Variants in PIDD1 observed in about 807,000 individuals in gnomAD.
PIDD1 encodes p53-induced death domain-containing protein 1.
Under a neutral mutation model 80.0 loss-of-function variants are expected in PIDD1, and 72 were observed. That is an observed-to-expected ratio of 0.90 (90% confidence interval 0.74 to 1.09). The LOEUF (loss-of-function observed/expected upper bound fraction) is 1.09, where lower values mean the gene tolerates loss of function less well. PIDD1 is among the 50% of genes least tolerant of loss of function. The pLI is 0.00. For missense variants in PIDD1, 1,329 were observed against 1,228.3 expected (o/e 1.08, Z -1.23); for synonymous variants, 655 against 543.5 (o/e 1.21, Z -2.85).
In PIDD1 at chr11:801,456, C is replaced by T. The variant is rs374218717; in HGVS notation, c.1471G>A (p.Val491Ile). Residue 491 changes from valine (V) to isoleucine (I), a missense_variant, in exon 8 of 16, where the codon GTC (valine) becomes ATC (isoleucine). Coordinates refer to ENST00000347755, the MANE Select transcript of PIDD1 (RefSeq NM_145886.4). ...TGTCCTGGCCATACCTGCATGGAGA[C>T]TCGACGAGGCTCCTCAGTGGCCCCA... ...PPGATEEPRRVSMQVVRMAGR... is the reference protein window; with the variant it reads ...PPGATEEPRRISMQVVRMAGR... 9.7e-6 allele frequency: 15 copies of T among 1,543,302 alleles called. No individual in the cohort carries two copies. The highest frequency in any genetic ancestry group is 1.2e-5 in the South Asian group (1 of 80,938).
chr11:809,494 C>T (rs948882764), upstream of PIDD1: 1 of 152,302 alleles, frequency 6.6e-6, no homozygotes, highest in African/African-American at 2.4e-5. Flanking sequence ...CTACCGCCAG[C>T]AGCTTCTGCC....
rs528497928 is a variant in PIDD1 at position 800,973 on chromosome 11, G to A, written c.1766+12C>T. The stretch of plus-strand genomic sequence containing the variant: ...TGGGGGAGGGGGGCTGAGAAAGCTG[G>A]GGGGCACTGACCAGGAGAAGTGTGT... On this transcript the variant is annotated intron_variant, in intron 10 of 15. Coordinates refer to ENST00000347755, the MANE Select transcript of PIDD1 (RefSeq NM_145886.4). 4 of 1,588,182 alleles carry A rather than the reference G, an allele frequency of 2.5e-6. No homozygotes were observed. The highest frequency in any genetic ancestry group is 1.7e-4 in the Middle Eastern group (1 of 6,026).
chr11:805,573 G>C (rs1177283482), upstream of PIDD1: 20 of 970,998 alleles, frequency 2.1e-5, no homozygotes, highest in Admixed American at 6.2e-5. Flanking sequence ...TGCGTTCCCA[G>C]GCCGGGGTGA....
rs1359472344 is a variant in PIDD1 at position 800,796 on chromosome 11, T to C, written c.1883A>G (p.Glu628Gly). The stretch of plus-strand genomic sequence containing the variant: ...GGGCAGGCACTGCAGCAGGACCTGC[T>C]CAGGGTCCCGGCGCCGCTGCAGAGC... Reference protein sequence around the residue: ...LIALQRRRDPEQVLLQCLPRN... With the variant: ...LIALQRRRDPGQVLLQCLPRN... Residue 628 changes from glutamate (E) to glycine (G), a missense_variant, in exon 11 of 16, where the codon GAG becomes GGG. Transcript: ENST00000347755. The C allele has an allele frequency of 6.4e-7, 1 of 1,555,742 alleles. No individual in the cohort carries two copies. The highest frequency in any genetic ancestry group is 2.4e-5 in the East Asian group (1 of 41,564).
In PIDD1 at chr11:804,452, C is replaced by G. The variant is rs1020358769; in HGVS notation, c.-64G>C. The G allele has an allele frequency of 1.3e-6, 2 of 1,509,528 alleles. No individual in the cohort carries two copies. The highest frequency in any genetic ancestry group is 1.8e-6 in the Non-Finnish European group (2 of 1,133,994). 93.5% of individuals were successfully genotyped at this position (1,509,528 alleles called of 1,614,324 possible). ...CACGCAGGCAGGCCTGTCCAGGCAG[C>G]GCCCGGGGAAGCTGCAGAGGCAGGA... On this transcript the variant is annotated 5_prime_UTR_variant, in exon 2 of 16. Coordinates refer to ENST00000347755, the MANE Select transcript of PIDD1 (RefSeq NM_145886.4).
chr11:802,247 G>A lies in PIDD1; in HGVS notation c.1124C>T (p.Ala375Val). 6.2e-7 allele frequency: 1 copy of A among 1,611,886 alleles called. No homozygotes were observed. Among genetic ancestry groups the A allele is most frequent in the Non-Finnish European group, 8.5e-7 (1 of 1,179,530 alleles). The change falls in exon 6 of 16, where the codon GCC (alanine) becomes GTC (valine). Residue 375 changes from alanine to valine, a missense_variant. By Grantham distance (64) the Ala-to-Val change is moderately conservative (BLOSUM62 0). Transcript: ENST00000347755. The stretch of plus-strand genomic sequence containing the variant: ...CAGCTCCAGCACATGGCTGAGCAGG[G>A]CGTCATGAGGACCCAGGGGGACGAG... ...PGLVPLGPHD[A>V]LLSHVLELQP...
rs930378064 is a variant in PIDD1, at chr11:804,528, A to T, written c.-75-65T>A. The T allele has an allele frequency of 5.0e-6, 7 of 1,412,512 alleles. No homozygotes were observed. In the South Asian group the frequency reaches 1.1e-4, roughly 22 times the overall value. 87.5% of individuals were successfully genotyped at this position (1,412,512 alleles called of 1,614,324 possible). ...GGCCCTTCTCTTTGGGGAAACAGGG[A>T]CTCTGGATGGAGTGGGGAGCTCTAG... On this transcript the variant is annotated intron_variant, in intron 1 of 15. Transcript: ENST00000347755.
At chr11:803,995 T>C in intron 2 of PIDD1, 99 bp downstream of exon 2, 2 of 1,360,732 alleles carry the variant, frequency 1.5e-6, no homozygotes, top group Non-Finnish European at 2.0e-6. Context: ...AGGGGCGGCC[T>C]GGAGCTGGGG....
At position 803,381 on chromosome 11, in the gene PIDD1, C is replaced by T; in HGVS notation, c.502G>A (p.Gly168Arg). 1 of 1,613,952 alleles carries T rather than the reference C, an allele frequency of 6.2e-7. No homozygotes were observed. The highest frequency in any genetic ancestry group is 8.5e-7 in the Non-Finnish European group (1 of 1,179,988). ...NCLSELPEAL[G>R]ALPALTFLTV... ...AGGAAGGTGAGGGCGGGGAGGGCCCCCAGAGCCTCAGGCAGCTCAGAGAGG... is the reference window on the plus strand; with the variant it reads ...AGGAAGGTGAGGGCGGGGAGGGCCCTCAGAGCCTCAGGCAGCTCAGAGAGG... The change falls in exon 3 of 16, where the codon GGG becomes AGG. Residue 168 changes from glycine to arginine, a missense_variant. Coordinates refer to ENST00000347755, the MANE Select transcript of PIDD1 (RefSeq NM_145886.4).
upstream of PIDD1, among the ~76,000 whole-genome samples, chr11:808,586 G>T (rs935278975): frequency 1.3e-5 from 2 of 152,190 alleles, no homozygotes; most frequent in African/African-American, 4.8e-5. Flanking sequence ...TGTGGTCTCC[G>T]CTAGGAGGCT....
At chr11:801,855 C>T in intron 7 of PIDD1, 110 bp downstream of exon 7, 1 of 1,416,626 alleles carries the variant, frequency 7.1e-7, no homozygotes, top group Non-Finnish European at 9.7e-7. Context: ...AAGCAGGATC[C>T]AGGAGGGACG....
upstream of PIDD1, among the ~76,000 whole-genome samples, chr11:807,543 C>T (rs571976326): frequency 2.3e-4 from 34 of 151,096 alleles, no homozygotes; most frequent in African/African-American, 7.3e-4. Flanking sequence ...TTTGGGAGGC[C>T]GAGGAGGGTA....
At chr11:806,678 G>T (rs999604642), upstream of PIDD1, among the ~76,000 whole-genome samples, 4 of 152,010 alleles carry the variant, frequency 2.6e-5, no homozygotes. Context: ...CACCTCCAGG[G>T]TTCACACCGT....
chr11:805,225 G>A lies in PIDD1; in HGVS notation c.-122C>T, dbSNP rs970006061. ...AAGGGTGGCTGCTCAGCGGGCGCTC[G>A]GCGCCTGGGATCCCGCCGGCGCGTT... On this transcript the variant is annotated 5_prime_UTR_variant, in exon 1 of 16. Coordinates refer to ENST00000347755, the MANE Select transcript of PIDD1 (RefSeq NM_145886.4). The A allele has an allele frequency of 2.0e-6, 2 of 983,374 alleles. No individual in the cohort carries two copies. The highest frequency in any genetic ancestry group is 3.5e-5 in the African/African-American group (2 of 57,316). The allele number at this position is 983,374 out of a possible 1,614,324, so 60.9% of individuals were successfully genotyped here.
rs28360884 is a variant in PIDD1 at position 802,902 on chromosome 11, T to A, written c.710-11A>T. The A allele has an allele frequency of 4.5e-6, 7 of 1,552,722 alleles. No homozygotes were observed. In the Admixed American group the frequency reaches 1.2e-4, roughly 26 times the overall value. ...AGGACCGAAGTCCCGCTGCGGGCAG[T>A]TGCTGGCTTAGGCTTGGCACCAGCC... is the stretch of plus-strand genomic sequence containing the variant. On this transcript the variant is annotated splice_polypyrimidine_tract_variant and intron_variant, in intron 3 of 15. Coordinates refer to ENST00000347755, the MANE Select transcript of PIDD1 (RefSeq NM_145886.4).
chr11:808,912 C>A (rs1865919091), upstream of PIDD1, among the ~76,000 whole-genome samples: 1 of 152,208 alleles, frequency 6.6e-6, no homozygotes, highest in African/African-American at 2.4e-5. Context: ...TAGAGCCCAA[C>A]GGGAGCTGGC....
Position 801,368 on chromosome 11 carries a change from G to A in PIDD1, c.1483-3C>T, listed in dbSNP as rs1396557289. 1.2e-6 allele frequency: 2 copies of A among 1,607,520 alleles called. No homozygotes were observed. The highest frequency in any genetic ancestry group is 2.2e-5 in the East Asian group (1 of 44,796). ...TCTCGGCCAGCCATGCGCACCACCT[G>A]GGGCAGACAGGCCCCCTGAGCACCT... On this transcript the variant is annotated splice_polypyrimidine_tract_variant and splice_region_variant and intron_variant, in intron 8 of 15. Transcript: ENST00000347755.
intron 11 of PIDD1, 36 bp downstream of exon 11, chr11:800,726 G>T (rs755202792): frequency 1.3e-6 from 2 of 1,546,892 alleles, no homozygotes; most frequent in South Asian, 2.3e-5. Context: ...CAGCCCTCTG[G>T]TCACCACCCT....
upstream of PIDD1, among the ~76,000 whole-genome samples, chr11:807,303 A>G (rs1466397656): frequency 1.3e-5 from 2 of 149,036 alleles, no homozygotes; most frequent in Non-Finnish European, 3.0e-5. Flanking sequence ...CTGGCTAACA[A>G]GGTGAAACCC....
Sources: gnomAD v4.1 joint callset for allele counts (sites outside exome capture counted in the v4.1 genomes callset) on GRCh38, gnomAD v4.1.1 for gene constraint, MANE v1.5 for transcripts, NCBI Gene and HGNC (gene_info 2026-07-23, HGNC 2026-07-21) for gene names.